The following SLC35F1 variants were observed in gnomAD, a reference collection of about 807,000 sequenced individuals.
The protein encoded by SLC35F1 is solute carrier family 35 member F1, also known as chromosome 6 open reading frame 169.
In SLC35F1, 14 loss-of-function variants were observed where a neutral mutation model predicts 48.7. That is an observed-to-expected ratio of 0.29 (90% CI 0.19 to 0.45). The LOEUF (loss-of-function observed/expected upper bound fraction) is 0.45. SLC35F1 is among the 20% of genes least tolerant of loss of function. The pLI is 1.00. For missense variants in SLC35F1, 404 were observed against 500.0 expected (o/e 0.81, Z 1.83); for synonymous variants, 190 against 202.2 (o/e 0.94, Z 0.51).
At chr6:117,976,317 T>C (rs1776705419) in intron 1 of SLC35F1, among the ~76,000 whole-genome samples, 1 of 152,182 alleles carries the variant, frequency 6.6e-6, no homozygotes, top group South Asian at 2.1e-4. Context: ...GGAGAAACCC[T>C]GGCTGAAAGA....
chr6:117,907,961 C>T (rs990915913), intron 1 of SLC35F1, 62 bp downstream of exon 1: 9 of 1,276,816 alleles, frequency 7.0e-6, no homozygotes, highest in Middle Eastern at 3.0e-4. Flanking sequence ...GGCTCCGGGT[C>T]CCCTCCGTCC....
intron 2 of SLC35F1, among the ~76,000 whole-genome samples, chr6:118,161,316 C>T (rs563403458): frequency 6.6e-6 from 1 of 150,860 alleles, no homozygotes; most frequent in African/African-American, 2.4e-5. Context: ...AAAAAAAAAG[C>T]AGTGAAAGAA....
At chr6:118,021,821 GT>G (rs1777399769) in intron 1 of SLC35F1, among the ~76,000 whole-genome samples, 1 of 152,198 alleles carries the variant, frequency 6.6e-6, no homozygotes, top group African/African-American at 2.4e-5. Context: ...GGCTGCAGTT[GT>G]TTGGTGGCTC....
chr6:118,234,047 T>C (rs796124679), intron 2 of SLC35F1, among the ~76,000 whole-genome samples: 93 of 152,314 alleles, frequency 6.1e-4, no homozygotes, highest in Middle Eastern at 3.4e-3. Flanking sequence ...ATCATGGTCA[T>C]TGGAATACAG....
intron 1 of SLC35F1, among the ~76,000 whole-genome samples, chr6:118,125,358 T>C (rs547266447): frequency 8.0e-6 from 1 of 124,648 alleles, no homozygotes; most frequent in Non-Finnish European, 1.7e-5. Context: ...GCTTGGTTTT[T>C]ATTCATTTAT....
intron 2 of SLC35F1, among the ~76,000 whole-genome samples, chr6:118,229,580 T>C (rs1206494608): frequency 6.6e-6 from 1 of 152,206 alleles, no homozygotes; most frequent in East Asian, 1.9e-4. Context: ...AATATTGCAA[T>C]GCTAATGAAT....
intron 7 of SLC35F1, 81 bp from the exon 8 acceptor site, chr6:118,313,947 G>A (rs1776400198): frequency 1.6e-6 from 2 of 1,286,908 alleles, no homozygotes; most frequent in South Asian, 2.5e-5. Context: ...AAGCAGCTCT[G>A]CTCATGTTTC....
At position 118,267,239 on chromosome 6, in the gene SLC35F1, C is replaced by T. The variant is rs1775785345; in HGVS notation, c.637+85C>T. On this transcript the variant is annotated intron_variant, in intron 4 of 7. Transcript: ENST00000360388. ...TGGAATGTTCATAGTTGGGTGAAAA[C>T]AAGGACCTTAGGAACCTGGATTTCC... 2.7e-6 allele frequency: 4 copies of T among 1,508,238 alleles called. No homozygotes were observed. In the African/African-American group the frequency reaches 5.5e-5, roughly 21 times the overall value. 93.4% of individuals were successfully genotyped at this position (1,508,238 alleles called of 1,614,324 possible). A position where few individuals can be genotyped will look rare whatever the true frequency, so the allele number is the denominator to read the frequency against.
Position 118,033,213 on chromosome 6 carries a change from G to C in SLC35F1, c.174-121232G>C, listed in dbSNP as rs78868694. 5.1e-3 allele frequency among the ~76,000 whole-genome samples: 756 copies of C among 147,844 alleles called. 9 individuals are homozygous for C. The highest frequency in any genetic ancestry group is 0.02 in the African/African-American group (739 of 37,540). On this transcript the variant is annotated intron_variant, in intron 1 of 7. Coordinates refer to ENST00000360388, the MANE Select transcript of SLC35F1 (RefSeq NM_001029858.4). ...AAAATATGCTCATTTGCATTTTATT[G>C]AATGGCATTTTATTGAATGGCATTT...
At chr6:117,969,558 C>CA (rs1776613291) in intron 1 of SLC35F1, among the ~76,000 whole-genome samples, 1 of 152,016 alleles carries the variant, frequency 6.6e-6, no homozygotes, top group African/African-American at 2.4e-5. Context: ...TTCATCTCTA[C>CA]AAAAAAATTT....
At chr6:118,026,975 C>T (rs1384087522) in intron 1 of SLC35F1, among the ~76,000 whole-genome samples, 1 of 152,066 alleles carries the variant, frequency 6.6e-6, no homozygotes, top group Non-Finnish European at 1.5e-5. Flanking sequence ...GTTGTCATTG[C>T]CTTCTCCTAC....
chr6:118,092,285 A>T (rs1442719975), intron 1 of SLC35F1, among the ~76,000 whole-genome samples: 1 of 152,178 alleles, frequency 6.6e-6, no homozygotes, highest in Non-Finnish European at 1.5e-5. Flanking sequence ...CTAGGAGGGA[A>T]AAATGGTTTC....
At position 117,957,063 on chromosome 6, in the gene SLC35F1, C is replaced by T. The variant is rs150479063; in HGVS notation, c.173+49164C>T. On this transcript the variant is annotated intron_variant, in intron 1 of 7. Coordinates refer to ENST00000360388, the MANE Select transcript of SLC35F1 (RefSeq NM_001029858.4). ...TTTCTTTAGCCATGTGCTTGGTGGGCATCTCTCCTCCTGACTCGGGTATCC... is the reference window on the plus strand; with the variant it reads ...TTTCTTTAGCCATGTGCTTGGTGGGTATCTCTCCTCCTGACTCGGGTATCC... Among the ~76,000 whole-genome samples, 3 of 152,286 alleles carry T rather than the reference C, an allele frequency of 2.0e-5. No homozygotes were observed. The East Asian group carries it at 5.8e-4, about 29-fold the overall frequency.
chr6:117,920,795 G>A (rs981341593), intron 1 of SLC35F1, among the ~76,000 whole-genome samples: 2 of 152,096 alleles, frequency 1.3e-5, no homozygotes, highest in African/African-American at 4.8e-5. Flanking sequence ...ATTATAAAGT[G>A]TTGGGTCATA....
intron 2 of SLC35F1, among the ~76,000 whole-genome samples, chr6:118,204,779 A>G (rs1261578475): frequency 6.6e-6 from 1 of 152,236 alleles, no homozygotes; most frequent in East Asian, 1.9e-4. Context: ...TCCTCAGAAC[A>G]GAAATCCCCA....
rs944714026 is a variant in SLC35F1, at chr6:118,315,108, CA to C, written c.*861del. The C allele has an allele frequency of 6.6e-6, 1 of 152,596 alleles. No individual in the cohort carries two copies. Among genetic ancestry groups the C allele is most frequent in the African/African-American group, 2.4e-5 (1 of 41,438 alleles). 9.5% of individuals were successfully genotyped at this position (152,596 alleles called of 1,614,324 possible). A position where few individuals can be genotyped will look rare whatever the true frequency, so the allele number is the denominator to read the frequency against. On this transcript the variant is annotated 3_prime_UTR_variant, in exon 8 of 8. Coordinates refer to ENST00000360388, the MANE Select transcript of SLC35F1 (RefSeq NM_001029858.4). ...TCTGCTCCTCCCTGTAGCCTCTCTT[CA>C]AAAACTATCTTTTATTTTTTTTCCA...
At chr6:118,313,391 G>A (rs1467621937) in intron 7 of SLC35F1, among the ~76,000 whole-genome samples, 7 of 152,198 alleles carry the variant, frequency 4.6e-5, no homozygotes, top group Admixed American at 4.6e-4. Context: ...AAGTAGATTA[G>A]GAAGCAGAAT....
chr6:118,238,711 T>C (rs917345792), intron 3 of SLC35F1, among the ~76,000 whole-genome samples: 2 of 152,162 alleles, frequency 1.3e-5, no homozygotes, highest in African/African-American at 4.8e-5. Flanking sequence ...GAAAAGATGC[T>C]TGCCCACAAC....
At chr6:118,076,043 G>A (rs1171006359) in intron 1 of SLC35F1, among the ~76,000 whole-genome samples, 2 of 151,942 alleles carry the variant, frequency 1.3e-5, no homozygotes, top group Non-Finnish European at 2.9e-5. Context: ...AAAGCTTACT[G>A]TGATTCTGCT....
Sources: allele counts gnomAD v4.1 joint callset (sites outside exome capture counted in the v4.1 genomes callset), GRCh38; gene constraint gnomAD v4.1.1; transcripts MANE v1.5; gene names NCBI Gene and HGNC (gene_info 2026-07-23, HGNC 2026-07-21).